Variants in FRK observed in about 807,000 individuals in gnomAD.
FRK encodes tyrosine-protein kinase FRK.
FRK carries 51 observed loss-of-function variants against 56.4 expected under a neutral mutation model. The ratio of observed to expected loss-of-function variants is 0.90; its 90% confidence interval spans 0.72 to 1.14. FRK has a LOEUF of 1.14. FRK is among the 50% of genes most tolerant of loss of function. The pLI is 0.00. For missense variants in FRK, 570 were observed against 601.4 expected, an observed-to-expected ratio of 0.95 and a Z score of 0.55; for synonymous variants, 245 against 217.9, an observed-to-expected ratio of 1.12 and a Z score of -1.10.
At chr6:115,943,489 C>CAAAAAAAAAAAAAAAAAAAAAAA (rs35923228) in intron 6 of FRK, among the ~76,000 whole-genome samples, 1 of 59,552 alleles carries the variant, frequency 1.7e-5, no homozygotes, top group Non-Finnish European at 3.7e-5. Context: ...TGGTCTTGAG[C>CAAAAAAAAAAAAAAAAAAAAAAA]AAAAAAAAAA....
intron 2 of FRK, among the ~76,000 whole-genome samples, chr6:115,978,059 G>A (rs1054687959): frequency 1.3e-5 from 2 of 152,108 alleles, no homozygotes; most frequent in African/African-American, 4.8e-5. Flanking sequence ...GAAATGCTCA[G>A]AGAAATAACT....
intron 7 of FRK, 116 bp from the exon 8 acceptor site, chr6:115,942,741 G>A (rs1468045629): frequency 1.5e-5 from 14 of 928,066 alleles, no homozygotes; most frequent in Non-Finnish European, 2.3e-5. Flanking sequence ...CTTTGGCAAA[G>A]ATTTAAGGTC....
chr6:115,973,969 A>G (rs957139031), intron 2 of FRK, among the ~76,000 whole-genome samples: 1 of 152,176 alleles, frequency 6.6e-6, no homozygotes, highest in African/African-American at 2.4e-5. Context: ...AAATATAAGA[A>G]GTAGAAGGAT....
At chr6:116,057,528 G>A (rs1320632359) in intron 1 of FRK, among the ~76,000 whole-genome samples, 1 of 152,156 alleles carries the variant, frequency 6.6e-6, no homozygotes, top group Admixed American at 6.5e-5. Flanking sequence ...AGTAAGCCAG[G>A]TTCACAGGTG....
At chr6:115,960,053 G>T (rs983421803) in intron 4 of FRK, among the ~76,000 whole-genome samples, 1 of 152,148 alleles carries the variant, frequency 6.6e-6, no homozygotes, top group Non-Finnish European at 1.5e-5. Context: ...CAAGATGGCC[G>T]AATAGGAACA....
At chr6:116,000,839 A>G (rs1775037376) in intron 2 of FRK, among the ~76,000 whole-genome samples, 1 of 152,246 alleles carries the variant, frequency 6.6e-6, no homozygotes. Context: ...AAAATATACA[A>G]TAAGTCAAAT....
chr6:116,003,663 T>C (rs190676078), intron 2 of FRK, among the ~76,000 whole-genome samples: 1 of 152,300 alleles, frequency 6.6e-6, no homozygotes, highest in African/African-American at 2.4e-5. Flanking sequence ...CTAGAGCATA[T>C]ATATTTGAAA....
rs907520295 is a variant in FRK at position 115,940,118 on chromosome 6, G to A, written c.*2296C>T. Reference sequence around the variant, plus strand: ...CAGTAAACAAAACAGCATGGTAGTGGTACCAAAACAGATATCTAGACCAAC... The same window carrying A: ...CAGTAAACAAAACAGCATGGTAGTGATACCAAAACAGATATCTAGACCAAC... On this transcript the variant is annotated 3_prime_UTR_variant, in exon 8 of 8. Coordinates refer to ENST00000606080, the MANE Select transcript of FRK (RefSeq NM_002031.3). 1 of 152,166 alleles carries A rather than the reference G, an allele frequency of 6.6e-6. No individual in the cohort carries two copies. Among genetic ancestry groups the A allele is most frequent in the African/African-American group, 2.4e-5 (1 of 41,424 alleles). 9.4% of individuals were successfully genotyped at this position (152,166 alleles called of 1,614,324 possible). A position where few individuals can be genotyped will look rare whatever the true frequency, so the allele number is the denominator to read the frequency against.
At chr6:116,081,622 C>T in the FRK span, among the ~76,000 whole-genome samples, 2 of 151,968 alleles carry the variant, frequency 1.3e-5, no homozygotes, top group Non-Finnish European at 2.9e-5. Flanking sequence ...CATGCCACTG[C>T]ACTCCAACCT....
rs1022234633 is a variant in FRK at position 115,974,164 on chromosome 6, C to A, written c.467-5425G>T. Among the ~76,000 whole-genome samples, 6 of 152,098 alleles carry A rather than the reference C, an allele frequency of 3.9e-5. 1 individual carries two copies. Among genetic ancestry groups the A allele is most frequent in the African/African-American group, 1.4e-4 (6 of 41,418 alleles). ...CCCTTATATAAACAAGATGAACTATCTACTAGTTCCAAATTGAAATGGACT... is the reference window on the plus strand; with the variant it reads ...CCCTTATATAAACAAGATGAACTATATACTAGTTCCAAATTGAAATGGACT... On this transcript the variant is annotated intron_variant, in intron 2 of 7. Coordinates refer to ENST00000606080, the MANE Select transcript of FRK (RefSeq NM_002031.3).
chr6:116,042,386 C>G (rs1776756790), intron 1 of FRK, among the ~76,000 whole-genome samples: 1 of 152,186 alleles, frequency 6.6e-6, no homozygotes, highest in Non-Finnish European at 1.5e-5. Context: ...CAGCAGATCT[C>G]TCTGCAAAAA....
At chr6:116,009,586 T>C (rs755810919) in intron 1 of FRK, among the ~76,000 whole-genome samples, 7 of 152,148 alleles carry the variant, frequency 4.6e-5, no homozygotes, top group Non-Finnish European at 8.8e-5. Flanking sequence ...TAATCTTTAT[T>C]GACATACCAT....
the FRK span, chr6:116,100,704 C>G: frequency 2.9e-6 from 1 of 340,806 alleles, no homozygotes; most frequent in Non-Finnish European, 5.2e-6. Context: ...AGCTGACTAC[C>G]TGACTCCGGG....
chr6:116,046,549 C>A (rs1776970610), intron 1 of FRK, among the ~76,000 whole-genome samples: 1 of 152,088 alleles, frequency 6.6e-6, no homozygotes, highest in Non-Finnish European at 1.5e-5. Context: ...CCAAACACTG[C>A]ATGTTCTCAC....
intron 2 of FRK, among the ~76,000 whole-genome samples, chr6:115,975,649 A>G (rs1773965286): frequency 6.6e-6 from 1 of 152,170 alleles, no homozygotes; most frequent in Non-Finnish European, 1.5e-5. Flanking sequence ...CTTTTTGTGA[A>G]ATACTATGAG....
chr6:116,083,138 C>T, the FRK span, among the ~76,000 whole-genome samples: 1 of 152,112 alleles, frequency 6.6e-6, no homozygotes, highest in African/African-American at 2.4e-5. Context: ...TGTCAAATGA[C>T]GGTCATGGAT....
the FRK span, among the ~76,000 whole-genome samples, chr6:116,088,605 C>A: frequency 6.6e-6 from 1 of 152,196 alleles, no homozygotes; most frequent in African/African-American, 2.4e-5. Flanking sequence ...ATATTTAGCA[C>A]CTTGCTAACA....
chr6:115,936,668 T>C lies in FRK; in HGVS notation c.*5746A>G, dbSNP rs1463609243. 1.3e-5 allele frequency: 2 copies of C among 152,038 alleles called. No individual in the cohort carries two copies. The highest frequency in any genetic ancestry group is 2.9e-5 in the Non-Finnish European group (2 of 68,028). The allele number at this position is 152,038 out of a possible 1,614,324, so 9.4% of individuals were successfully genotyped here. A position where few individuals can be genotyped will look rare whatever the true frequency, so the allele number is the denominator to read the frequency against. ...GAGCTGAAAAATACAGCATGAGAAC[T>C]TCATGAAGCATACACAATTATCAAT... is the stretch of plus-strand genomic sequence containing the variant. On this transcript the variant is annotated 3_prime_UTR_variant, in exon 8 of 8. Transcript: ENST00000606080.
intron 1 of FRK, among the ~76,000 whole-genome samples, chr6:116,032,541 A>T (rs924314929): frequency 1.3e-5 from 2 of 152,126 alleles, no homozygotes; most frequent in African/African-American, 2.4e-5. Flanking sequence ...TTTAACAAAC[A>T]TGTGGTGTAT....
Sources: allele counts gnomAD v4.1 joint callset (sites outside exome capture counted in the v4.1 genomes callset), GRCh38; gene constraint gnomAD v4.1.1; transcripts MANE v1.5; gene names NCBI Gene and HGNC (gene_info 2026-07-23, HGNC 2026-07-21).